KALRN: variants seen among roughly 807,000 people sequenced by gnomAD.
The protein encoded by KALRN is kalirin.
A neutral mutation model predicts 353.7 loss-of-function variants in KALRN; 70 were observed. The observed-to-expected ratio is 0.20, with a 90% confidence interval of 0.16 to 0.24. The LOEUF (loss-of-function observed/expected upper bound fraction) is 0.24. KALRN is among the 10% of genes least tolerant of loss of function. The probability of loss-of-function intolerance (pLI) is 1.00; values close to 1 mark genes in which losing one functional copy is unlikely to be tolerated. For synonymous variants in KALRN, 1,391 were observed against 1,434.8 expected, an observed-to-expected ratio of 0.97 and a Z score of 0.69; for missense variants, 2,791 against 3,756.7, an observed-to-expected ratio of 0.74 and a Z score of 6.72.
chr3:124,433,460 C>T (rs1042266398), intron 16 of KALRN, among the ~76,000 whole-genome samples: 1 of 151,684 alleles, frequency 6.6e-6, no homozygotes, highest in Non-Finnish European at 1.5e-5. Flanking sequence ...TGATGGCACA[C>T]ACCTGTAGTC....
At chr3:124,144,641 CTCCTCT>C (rs2067092209) in intron 1 of KALRN, among the ~76,000 whole-genome samples, 1 of 92,644 alleles carries the variant, frequency 1.1e-5, no homozygotes, top group Non-Finnish European at 2.6e-5. Context: ...CCTCATCCTC[CTCCTCT>C]TCCTCATCCT....
At chr3:124,051,279 T>G (rs2041017242) in intron 1 of KALRN, among the ~76,000 whole-genome samples, 2 of 152,252 alleles carry the variant, frequency 1.3e-5, no homozygotes, top group Non-Finnish European at 2.9e-5. Flanking sequence ...TAGAGCTGCA[T>G]GGCTGAATTC....
At chr3:124,183,960 T>G (rs2073919622) in intron 1 of KALRN, among the ~76,000 whole-genome samples, 1 of 152,174 alleles carries the variant, frequency 6.6e-6, no homozygotes, top group Non-Finnish European at 1.5e-5. Context: ...AATGTAGTAA[T>G]GAATGCCATA....
At chr3:124,324,809 A>G (rs868024109) in intron 6 of KALRN, among the ~76,000 whole-genome samples, 5 of 152,366 alleles carry the variant, frequency 3.3e-5, no homozygotes, top group South Asian at 2.1e-4. Context: ...CCTACTCAGT[A>G]TTAATGAACT....
At chr3:124,623,930 A>C (rs116308540) in intron 34 of KALRN, among the ~76,000 whole-genome samples, 1 of 152,232 alleles carries the variant, frequency 6.6e-6, no homozygotes, top group African/African-American at 2.4e-5. Context: ...AGCAGGTAGC[A>C]CTTATGTGTG....
At chr3:124,168,368 C>T (rs1472096113) in intron 1 of KALRN, among the ~76,000 whole-genome samples, 1 of 152,182 alleles carries the variant, frequency 6.6e-6, no homozygotes, top group Non-Finnish European at 1.5e-5. Context: ...GGTTTGGTTG[C>T]CATTGGCAAC....
At chr3:124,710,525 C>T (rs959407871) in intron 57 of KALRN, among the ~76,000 whole-genome samples, 1 of 152,182 alleles carries the variant, frequency 6.6e-6, no homozygotes, top group East Asian at 1.9e-4. Context: ...ATGTCTCACA[C>T]CTATAAGCCC....
Position 124,422,871 on chromosome 3 carries a change from G to C in KALRN, c.2602G>C (p.Glu868Gln). ...GGCAGCCCAGGTGCAAGAGTTATTG[G>C]AATTTCTCCATGAGAAGCAGCATGA... ...DLAAQVQELL[E>Q]FLHEKQHELE... Residue 868 changes from glutamate to glutamine, a missense_variant, in exon 15 of 60, where the codon GAA becomes CAA. Physicochemically the swap from Glu to Gln is conservative, Grantham distance 29. Coordinates refer to ENST00000682506, the MANE Select transcript of KALRN (RefSeq NM_001388419.1). The C allele has an allele frequency of 6.2e-7, 1 of 1,613,900 alleles. No individual in the cohort carries two copies. Among genetic ancestry groups the C allele is most frequent in the Non-Finnish European group, 8.5e-7 (1 of 1,179,862 alleles).
At position 124,719,482 on chromosome 3, in the gene KALRN, C is replaced by T. The variant is rs4234221; in HGVS notation, c.*12C>T. 247,286 of 1,604,030 alleles carry T rather than the reference C, an allele frequency of 0.15. 20,551 individuals carry two copies. The highest frequency in any genetic ancestry group is 0.28 in the African/African-American group (21,157 of 74,854). The stretch of plus-strand genomic sequence containing the variant: ...ACCAAGGGACGTAGCCATCTCCCAG[C>T]CCCTATGGTTTCACATAGACGTGCA... On this transcript the variant is annotated 3_prime_UTR_variant, in exon 60 of 60. Transcript: ENST00000682506. The surrounding 1 kb of genome is among the most constrained non-coding windows in gnomAD (Gnocchi z 5.3).
intron 9 of KALRN, among the ~76,000 whole-genome samples, chr3:124,335,716 G>A (rs559954065): frequency 3.3e-5 from 5 of 152,290 alleles, no homozygotes; most frequent in African/African-American, 7.2e-5. Flanking sequence ...GGACGCACTC[G>A]TGTTCAAACA....
chr3:124,517,882 T>C (rs1242533239), intron 33 of KALRN, among the ~76,000 whole-genome samples: 2 of 152,232 alleles, frequency 1.3e-5, no homozygotes, highest in African/African-American at 4.8e-5. Flanking sequence ...AAATGTTATA[T>C]AGCAAGATTT....
intron 1 of KALRN, among the ~76,000 whole-genome samples, chr3:124,128,846 T>C (rs945017885): frequency 9.9e-5 from 15 of 152,076 alleles, no homozygotes; most frequent in African/African-American, 1.4e-4. Context: ...AGTTCTGTGG[T>C]CCAGAGTCAT....
chr3:124,374,358 G>A (rs996157007), intron 10 of KALRN: 1 of 152,292 alleles, frequency 6.6e-6, no homozygotes, highest in African/African-American at 2.4e-5. Flanking sequence ...GTCTGGGAAG[G>A]TGGAAAGGGA....
At chr3:124,519,503 A>T in intron 33 of KALRN, 3 of 985,398 alleles carry the variant, frequency 3.0e-6, no homozygotes, top group Non-Finnish European at 3.6e-6. Context: ...TCAATAGATT[A>T]AACCTGATTT....
At chr3:124,460,341 G>T (rs2059724818) in intron 23 of KALRN, among the ~76,000 whole-genome samples, 1 of 152,164 alleles carries the variant, frequency 6.6e-6, no homozygotes, top group Non-Finnish European at 1.5e-5. Flanking sequence ...ACAACAAATA[G>T]CCAGAAGAGA....
chr3:124,296,852 G>A (rs1183367905), intron 5 of KALRN, among the ~76,000 whole-genome samples: 3 of 152,200 alleles, frequency 2.0e-5, no homozygotes, highest in Admixed American at 1.3e-4. Flanking sequence ...CTGAATCAAG[G>A]TTTGACTCAG....
At chr3:124,236,393 C>A (rs925234148) in intron 3 of KALRN, among the ~76,000 whole-genome samples, 3 of 152,004 alleles carry the variant, frequency 2.0e-5, no homozygotes, top group Admixed American at 2.0e-4. Context: ...AGCAATTTAG[C>A]CATCTAGGAG....
intron 1 of KALRN, among the ~76,000 whole-genome samples, chr3:124,051,414 A>G (rs1038848854): frequency 1.3e-5 from 2 of 152,238 alleles, no homozygotes; most frequent in Non-Finnish European, 2.9e-5. Flanking sequence ...TCAACTTTCA[A>G]CAATGACGAG....
chr3:124,322,136 C>A (rs1444940777), intron 6 of KALRN, among the ~76,000 whole-genome samples: 1 of 152,156 alleles, frequency 6.6e-6, no homozygotes, highest in Non-Finnish European at 1.5e-5. Context: ...ACTCAGGGGT[C>A]CATCTCCAGT....
Sources: allele counts gnomAD v4.1 joint callset (sites outside exome capture counted in the v4.1 genomes callset), GRCh38; gene constraint gnomAD v4.1.1; non-coding constraint Gnocchi (gnomAD v3.1); transcripts MANE v1.5; gene names NCBI Gene and HGNC (gene_info 2026-07-23, HGNC 2026-07-21).